Variants in NOS1AP observed in about 807,000 individuals in gnomAD.
NOS1AP encodes the protein carboxyl-terminal PDZ ligand of neuronal nitric oxide synthase protein.
In NOS1AP, 21 loss-of-function variants were observed where a neutral mutation model predicts 56.2. That is an observed-to-expected ratio of 0.37 (90% CI 0.26 to 0.54). The LOEUF is 0.54. Among genes scored for constraint, NOS1AP ranks in the 20% least tolerant of loss-of-function variants. NOS1AP has a pLI of 0.84. For missense variants in NOS1AP, 522 were observed against 657.8 expected (o/e 0.79, Z 2.26); for synonymous variants, 270 against 274.6 (o/e 0.98, Z 0.17).
intron 1 of NOS1AP, among the ~76,000 whole-genome samples, chr1:162,073,407 T>C (rs1570987335): frequency 6.6e-6 from 1 of 152,252 alleles, no homozygotes; most frequent in African/African-American, 2.4e-5. Flanking sequence ...TGGAGTGTTC[T>C]CAGGTTGCTG....
intron 4 of NOS1AP, among the ~76,000 whole-genome samples, chr1:162,321,725 A>ATATAT (rs1553205779): frequency 1.6e-5 from 2 of 128,318 alleles, no homozygotes; most frequent in African/African-American, 6.5e-5. Flanking sequence ...TAATTAAAAA[A>ATATAT]AAAAAAATAT....
chr1:162,278,550 A>G (rs1654817241), intron 2 of NOS1AP, among the ~76,000 whole-genome samples: 1 of 152,178 alleles, frequency 6.6e-6, no homozygotes, highest in Non-Finnish European at 1.5e-5. Context: ...ATTGAGCCCT[A>G]GAAAGACAAA....
At chr1:162,339,730 G>A (rs1015290246) in intron 5 of NOS1AP, among the ~76,000 whole-genome samples, 2 of 152,256 alleles carry the variant, frequency 1.3e-5, no homozygotes, top group African/African-American at 4.8e-5. Context: ...TTTTGGGGTT[G>A]AAGGCAGAAC....
chr1:162,363,401 A>C (rs2101828303), intron 8 of NOS1AP: 1 of 152,776 alleles, frequency 6.5e-6, no homozygotes, highest in South Asian at 2.1e-4. Flanking sequence ...CCCAACGTGC[A>C]CCACCCTCCA....
At chr1:162,100,095 G>A (rs1558098167) in intron 1 of NOS1AP, among the ~76,000 whole-genome samples, 3 of 152,268 alleles carry the variant, frequency 2.0e-5, no homozygotes, top group African/African-American at 4.8e-5. Flanking sequence ...ATAAGCATAC[G>A]TGTGCATGTG....
At chr1:162,207,764 C>G (rs1394877266) in intron 2 of NOS1AP, among the ~76,000 whole-genome samples, 1 of 152,156 alleles carries the variant, frequency 6.6e-6, no homozygotes, top group South Asian at 2.1e-4. Flanking sequence ...GATGTTGTGC[C>G]TATACACACA....
At chr1:162,271,707 C>T (rs1383743727) in intron 2 of NOS1AP, among the ~76,000 whole-genome samples, 2 of 152,180 alleles carry the variant, frequency 1.3e-5, no homozygotes, top group African/African-American at 4.8e-5. Context: ...TTATCTTAGT[C>T]AGCTTGGGCT....
intron 8 of NOS1AP, chr1:162,365,123 G>A (rs1485706581): frequency 4.0e-5 from 55 of 1,382,248 alleles, no homozygotes; most frequent in Non-Finnish European, 4.8e-5. Context: ...CTAGAGGGTC[G>A]ATGGCTCTTT....
intron 2 of NOS1AP, among the ~76,000 whole-genome samples, chr1:162,192,037 T>A (rs1184582480): frequency 2.0e-5 from 3 of 152,066 alleles, no homozygotes; most frequent in Non-Finnish European, 2.9e-5. Flanking sequence ...GTGTCCTGGA[T>A]TATTTGAATA....
At chr1:162,249,049 A>G (rs1653766478) in intron 2 of NOS1AP, among the ~76,000 whole-genome samples, 1 of 152,162 alleles carries the variant, frequency 6.6e-6, no homozygotes, top group Non-Finnish European at 1.5e-5. Flanking sequence ...GCTCAGTGCA[A>G]CTTTGAAGGC....
intron 4 of NOS1AP, among the ~76,000 whole-genome samples, chr1:162,305,169 T>A (rs944342414): frequency 2.6e-5 from 4 of 152,198 alleles, no homozygotes; most frequent in African/African-American, 9.6e-5. Flanking sequence ...ATTTTAACCA[T>A]TTTTTAAGCA....
Position 162,321,729 on chromosome 1 carries a change from A to ATAT in NOS1AP, c.345-11288_345-11287insTAT, listed in dbSNP as rs56969327. ...AACTTAAAGTATAATTAAAAAAAAA[A>ATAT]AAATATATATATATATATATATAAA... On this transcript the variant is annotated intron_variant, in intron 4 of 9. Coordinates refer to ENST00000361897, the MANE Select transcript of NOS1AP (RefSeq NM_014697.3). Among the ~76,000 whole-genome samples the ATAT allele has an allele frequency of 7.5e-3, 958 of 127,716 alleles. 3 individuals carry two copies. The highest frequency in any genetic ancestry group is 0.017 in the African/African-American group (527 of 31,904). The allele number at this position is 127,716 out of a possible 152,430, so 83.8% of individuals were successfully genotyped here. A position where few individuals can be genotyped will look rare whatever the true frequency, so the allele number is the denominator to read the frequency against.
At chr1:162,322,825 A>G (rs774258112) in intron 4 of NOS1AP, among the ~76,000 whole-genome samples, 3 of 152,202 alleles carry the variant, frequency 2.0e-5, no homozygotes, top group Non-Finnish European at 4.4e-5. Context: ...GTAACATGGG[A>G]CTAATTTCTA....
intron 2 of NOS1AP, among the ~76,000 whole-genome samples, chr1:162,236,508 TC>T (rs1653297078): frequency 6.6e-6 from 1 of 152,176 alleles, no homozygotes; most frequent in African/African-American, 2.4e-5. Flanking sequence ...GTCTTTCTAC[TC>T]CCGTCCATCA....
chr1:162,123,934 AT>A (rs1308944801), intron 1 of NOS1AP, among the ~76,000 whole-genome samples: 2 of 152,232 alleles, frequency 1.3e-5, no homozygotes, highest in African/African-American at 4.8e-5. Flanking sequence ...AATTAAAAAA[AT>A]AATATTGAGG....
At chr1:162,132,314 G>T (rs980778599) in intron 1 of NOS1AP, among the ~76,000 whole-genome samples, 1 of 152,204 alleles carries the variant, frequency 6.6e-6, no homozygotes, top group Non-Finnish European at 1.5e-5. Flanking sequence ...GCCTCCCCAG[G>T]CAAGAGAATC....
chr1:162,119,234 A>T (rs1242294005), intron 1 of NOS1AP, among the ~76,000 whole-genome samples: 1 of 152,192 alleles, frequency 6.6e-6, no homozygotes, highest in Non-Finnish European at 1.5e-5. Flanking sequence ...GAATAGCAGC[A>T]AGAGCTCTGG....
intron 2 of NOS1AP, among the ~76,000 whole-genome samples, chr1:162,277,032 C>T (rs1167571310): frequency 1.3e-5 from 2 of 152,184 alleles, no homozygotes; most frequent in Non-Finnish European, 1.5e-5. Flanking sequence ...TGGCTCCTTG[C>T]TTCTCAAAGT....
At chr1:162,206,760 G>A (rs767262186) in intron 2 of NOS1AP, among the ~76,000 whole-genome samples, 2 of 152,222 alleles carry the variant, frequency 1.3e-5, no homozygotes, top group Non-Finnish European at 2.9e-5. Context: ...TACCAGACAA[G>A]CCAGAAGACC....
Sources: allele counts gnomAD v4.1 joint callset (sites outside exome capture counted in the v4.1 genomes callset), GRCh38; gene constraint gnomAD v4.1.1; transcripts MANE v1.5; gene names NCBI Gene and HGNC (gene_info 2026-07-23, HGNC 2026-07-21).